The following ZNFX1 variants were observed in gnomAD, a reference collection of about 807,000 sequenced individuals.
ZNFX1 encodes the protein NFX1-type zinc finger-containing protein 1.
In ZNFX1, 78 loss-of-function variants were observed where a neutral mutation model predicts 179.8. The observed-to-expected ratio is 0.43, with a 90% CI of 0.36 to 0.52. The LOEUF (loss-of-function observed/expected upper bound fraction) is 0.52. ZNFX1 is among the 20% of genes least tolerant of loss of function. The pLI, the probability that ZNFX1 is intolerant of heterozygous loss-of-function variation, is 0.00. For missense variants in ZNFX1, 1,927 were observed against 2,386.6 expected, an observed-to-expected ratio of 0.81 and a Z score of 4.01; for synonymous variants, 848 against 868.5, an observed-to-expected ratio of 0.98 and a Z score of 0.42.
chr20:49,252,451 C>T (rs1448063291), intron 12 of ZNFX1, among the ~76,000 whole-genome samples: 1 of 149,346 alleles, frequency 6.7e-6, no homozygotes, highest in African/African-American at 2.5e-5. Flanking sequence ...CTCTATTTTT[C>T]TTAAAAAAAA....
Position 49,275,884 on chromosome 20 carries a change from A to G in ZNFX1, c.-45T>C, listed in dbSNP as rs1822310576. ...CTTCACGTTACTTTCTGTTATCTGG[A>G]AAACTGCACATGTTGAGTTATCAGT... On this transcript the variant is annotated 5_prime_UTR_variant, in exon 2 of 14. Transcript: ENST00000396105. 6.2e-7 allele frequency: 1 copy of G among 1,602,568 alleles called. No homozygotes were observed. The highest frequency in any genetic ancestry group is 1.7e-5 in the Admixed American group (1 of 59,942).
At chr20:49,259,568 C>T (rs2746989) in intron 7 of ZNFX1, among the ~76,000 whole-genome samples, 103,901 of 151,822 alleles carry the variant, frequency 0.68, 36,495 homozygotes, top group Non-Finnish European at 0.78. Flanking sequence ...ACTACAGGCA[C>T]GCACCACCAC....
chr20:49,259,109 C>CAAAA (rs1380256614), intron 7 of ZNFX1, among the ~76,000 whole-genome samples: 1 of 92,048 alleles, frequency 1.1e-5, no homozygotes. Flanking sequence ...GACTCAGTCT[C>CAAAA]AAAAAAAAAT....
rs1001932280 is a variant in ZNFX1, at chr20:49,249,574, C to A, written c.3450G>T (p.Leu1150=). Residue 1150 remains leucine (L), a synonymous_variant, in exon 14 of 14, where the codon CTG becomes CTT. Coordinates refer to ENST00000396105, the MANE Select transcript of ZNFX1 (RefSeq NM_021035.3). The part of the protein sequence containing the change: ...LCKYFLCQEY[L]PSQITILTTY... ...TAGTGAGGATGGTGATCTGGGAAGG[C>A]AGGTATTCCTGGCACAGGAAGTACT... 5 of 1,614,232 alleles carry A rather than the reference C, an allele frequency of 3.1e-6. No homozygotes were observed. In the Admixed American group the frequency reaches 8.3e-5, roughly 27 times the overall value.
intron 2 of ZNFX1, among the ~76,000 whole-genome samples, chr20:49,273,432 G>A (rs1302678289): frequency 6.6e-6 from 1 of 151,960 alleles, no homozygotes; most frequent in African/African-American, 2.4e-5. Context: ...GTGCCCAGCC[G>A]AGACTTTAAT....
At position 49,248,418 on chromosome 20, in the gene ZNFX1, A is replaced by G. The variant is rs755110231; in HGVS notation, c.4606T>C (p.Cys1536Arg). The G allele has an allele frequency of 2.5e-6, 4 of 1,608,904 alleles. No homozygotes were observed. Among genetic ancestry groups the G allele is most frequent in the South Asian group, 1.1e-5 (1 of 90,612 alleles). Reference sequence around the variant, plus strand: ...AGCAGCTTAGTACAAGGCACATAGCATGGGGGTCGGTTGCAGGGCTCAGAG... The same window carrying G: ...AGCAGCTTAGTACAAGGCACATAGCGTGGGGGTCGGTTGCAGGGCTCAGAG... ...LCSEPCNRPP[C>R]YVPCTKLLVC... Residue 1536 changes from cysteine (C) to arginine (R), a missense_variant, in exon 14 of 14, where the codon TGC becomes CGC. Coordinates refer to ENST00000396105, the MANE Select transcript of ZNFX1 (RefSeq NM_021035.3). This position sits in a 1 kb window ranked among gnomAD's most constrained non-coding sequence, Gnocchi z 4.6.
Position 49,256,733 on chromosome 20 carries a change from A to G in ZNFX1, c.2664+684T>C, listed in dbSNP as rs543756098. Among the ~76,000 whole-genome samples the G allele has an allele frequency of 1.7e-4, 26 of 152,396 alleles. No individual in the cohort carries two copies. The South Asian group carries it at 2.7e-3, about 16-fold the overall frequency. On this transcript the variant is annotated intron_variant, in intron 8 of 13. Coordinates refer to ENST00000396105, the MANE Select transcript of ZNFX1 (RefSeq NM_021035.3). ...ATGACTCCGCTCACCACATATAGTG[A>G]TACTGAACTGAACTAGATCAGGTGC...
At position 49,271,245 on chromosome 20, in the gene ZNFX1, C is replaced by T. The variant is rs1195103196; in HGVS notation, c.567G>A (p.Gln189=). Residue 189 remains glutamine (Q), a synonymous_variant, in exon 3 of 14, where the codon CAG becomes CAA. Transcript: ENST00000396105. ...MKSNFLELIC[Q]VLRKACSSKM... is the part of the protein sequence containing the mutation. The stretch of plus-strand genomic sequence containing the variant: ...TGGAGCTACAAGCCTTCCGAAGAAC[C>T]TGACAGATGAGCTCAAGGAAGTTAG... The T allele has an allele frequency of 6.2e-7, 1 of 1,614,066 alleles. No individual in the cohort carries two copies. Among genetic ancestry groups the T allele is most frequent in the African/African-American group, 1.3e-5 (1 of 74,922 alleles).
intron 8 of ZNFX1, 73 bp from the exon 9 acceptor site, chr20:49,256,020 C>A: frequency 6.4e-7 from 1 of 1,554,894 alleles, no homozygotes; most frequent in African/African-American, 1.4e-5. Flanking sequence ...AGGCAGGGGT[C>A]ACAGCACGTA....
chr20:49,270,294 T>C lies in ZNFX1; in HGVS notation c.1518A>G (p.Val506=). 6.2e-7 allele frequency: 1 copy of C among 1,614,110 alleles called. No homozygotes were observed. The highest frequency in any genetic ancestry group is 8.5e-7 in the Non-Finnish European group (1 of 1,180,034). The change falls in exon 3 of 14, where the codon GTA becomes GTG. Residue 506 remains valine (V), a synonymous_variant. Transcript: ENST00000396105. The surrounding 1 kb of genome is among the most constrained non-coding windows in gnomAD (Gnocchi z 4.6). ...EVQPSDSFLM[V]ETTAYFEAYR... is the part of the protein sequence containing the mutation. ...AGGCCTCAAAGTATGCAGTTGTCTC[T>C]ACCATGAGGAAAGAGTCAGAGGGCT...
rs770622327 is a variant in ZNFX1, at chr20:49,271,069, A to G, written c.743T>C (p.Ile248Thr). The change falls in exon 3 of 14, where the codon ATC (isoleucine) becomes ACC (threonine). Residue 248 changes from isoleucine (I) to threonine (T), a missense_variant. Transcript: ENST00000396105. The stretch of plus-strand genomic sequence containing the variant: ...ACTTACAAGGTCCTGGAGGAGGGAG[A>G]TGATGTTGCTTATGTGCTCTGGATA... The part of the protein sequence containing the change: ...NQYPEHISNI[I>T]SLLQDLVSVF... The G allele has an allele frequency of 9.3e-6, 15 of 1,614,004 alleles. No homozygotes were observed. In the Middle Eastern group the frequency reaches 6.6e-4, roughly 71 times the overall value.
intron 9 of ZNFX1, among the ~76,000 whole-genome samples, chr20:49,255,042 C>CCT: frequency 7.3e-6 from 1 of 137,152 alleles, no homozygotes; most frequent in South Asian, 2.3e-4. Context: ...CTTTCTACTA[C>CCT]TTTTTTTTTT....
At position 49,260,494 on chromosome 20, in the gene ZNFX1, T is replaced by C; in HGVS notation, c.2385A>G (p.Gln795=). 1 of 1,613,330 alleles carries C rather than the reference T, an allele frequency of 6.2e-7. No homozygotes were observed. The highest frequency in any genetic ancestry group is 8.5e-7 in the Non-Finnish European group (1 of 1,179,682). ...TCTCAGGTCCTGCTGGAGAAACACT[T>C]TGCGTGAAAGAACCGACACCAAGAC... ...WLGLGVGSFT[Q]SVSPAGPENT... is the part of the protein sequence containing the mutation. The change falls in exon 7 of 14, where the codon CAA becomes CAG. Residue 795 remains glutamine, a synonymous_variant. Transcript: ENST00000396105.
intron 2 of ZNFX1, 102 bp downstream of exon 2, chr20:49,275,677 A>C: frequency 9.1e-7 from 1 of 1,099,684 alleles, no homozygotes; most frequent in South Asian, 1.3e-5. Flanking sequence ...TTTACTTGAG[A>C]GATGCAGACA....
rs528444737 is a variant in ZNFX1, at chr20:49,273,209, T to C, written c.62-1459A>G. ...GTCCAGTGGCATGATCTTGGCTCAC[T>C]GCAACCTCCGCCTCCCGGGTTCAAG... On this transcript the variant is annotated intron_variant, in intron 2 of 13. Coordinates refer to ENST00000396105, the MANE Select transcript of ZNFX1 (RefSeq NM_021035.3). 7.9e-5 allele frequency among the ~76,000 whole-genome samples: 12 copies of C among 152,286 alleles called. No homozygotes were observed. In the East Asian group the frequency reaches 2.3e-3, roughly 29 times the overall value.
At position 49,251,658 on chromosome 20, in the gene ZNFX1, C is replaced by T. The variant is rs1410802072; in HGVS notation, c.3217-36G>A. On this transcript the variant is annotated intron_variant, in intron 12 of 13. Transcript: ENST00000396105. ...ACATGCATGTCATTAGAAACATGGG[C>T]AGAGCACACACGGACAATTTCTTTA... is the stretch of plus-strand genomic sequence containing the variant. 5.8e-6 allele frequency: 9 copies of T among 1,545,752 alleles called. No homozygotes were observed. The East Asian group carries it at 1.8e-4, about 31-fold the overall frequency.
At position 49,248,819 on chromosome 20, in the gene ZNFX1, A is replaced by T. The variant is rs879015116; in HGVS notation, c.4205T>A (p.Val1402Asp). 2 of 1,613,388 alleles carry T rather than the reference A, an allele frequency of 1.2e-6. No individual in the cohort carries two copies. Among genetic ancestry groups the T allele is most frequent in the Non-Finnish European group, 8.5e-7 (1 of 1,179,316 alleles). ...GTGCCCACACTTGAGTTTTATGGTG[A>T]CCATTTCTGAACACAGCTGCACACA... ...EDCVQLCSEM[V>D]TIKLKCGHSQ... The change falls in exon 14 of 14, where the codon GTC becomes GAC. Residue 1402 changes from valine (V) to aspartate (D), a missense_variant. By Grantham distance (152) the Val-to-Asp change is radical. Transcript: ENST00000396105. The surrounding 1 kb of genome is among the most constrained non-coding windows in gnomAD (Gnocchi z 4.6).
chr20:49,271,115 T>G lies in ZNFX1; in HGVS notation c.697A>C (p.Ile233Leu), dbSNP rs1274364970. The change falls in exon 3 of 14, where the codon ATC becomes CTC. Residue 233 changes from isoleucine to leucine, a missense_variant. Physicochemically the swap from Ile to Leu is conservative, Grantham distance 5 (BLOSUM62 2). Coordinates refer to ENST00000396105, the MANE Select transcript of ZNFX1 (RefSeq NM_021035.3). ...AYVVGMITEP[I>L]PDIRNQYPEH... is the part of the protein sequence containing the mutation. Reference sequence around the variant, plus strand: ...GGATACTGGTTTCGGATGTCAGGGATGGGTTCAGTGATCATCCCTACCACA... The same window carrying G: ...GGATACTGGTTTCGGATGTCAGGGAGGGGTTCAGTGATCATCCCTACCACA... 1 of 1,614,136 alleles carries G rather than the reference T, an allele frequency of 6.2e-7. No individual in the cohort carries two copies. The highest frequency in any genetic ancestry group is 2.2e-5 in the East Asian group (1 of 44,884).
At position 49,248,970 on chromosome 20, in the gene ZNFX1, T is replaced by C. The variant is rs762907219; in HGVS notation, c.4054A>G (p.Ile1352Val). The C allele has an allele frequency of 2.5e-6, 4 of 1,614,056 alleles. No individual in the cohort carries two copies. The highest frequency in any genetic ancestry group is 2.7e-5 in the African/African-American group (2 of 74,922). Reference protein sequence around the residue: ...QPCQVKVPKTIPRCGHEQMVP... With the variant: ...QPCQVKVPKTVPRCGHEQMVP... ...ATTTGTTCATGGCCGCACCGAGGAA[T>C]GGTTTTGGGCACCTTCACCTGACAA... Residue 1352 changes from isoleucine to valine, a missense_variant, in exon 14 of 14, where the codon ATT becomes GTT. Transcript: ENST00000396105. The surrounding 1 kb of genome is among the most constrained non-coding windows in gnomAD (Gnocchi z 4.6).
Sources: gnomAD v4.1 joint callset for allele counts (sites outside exome capture counted in the v4.1 genomes callset) on GRCh38, gnomAD v4.1.1 for gene constraint, Gnocchi (gnomAD v3.1) non-coding constraint, MANE v1.5 for transcripts, NCBI Gene and HGNC (gene_info 2026-07-23, HGNC 2026-07-21) for gene names.